The following ACHE variants were observed in gnomAD, a reference collection of about 807,000 sequenced individuals.
ACHE encodes acetylcholinesterase.
In ACHE, 19 loss-of-function variants were observed where a neutral mutation model predicts 53.9. The ratio of observed to expected loss-of-function variants is 0.35; its 90% confidence interval spans 0.25 to 0.52. The LOEUF (loss-of-function observed/expected upper bound fraction) is 0.52. Ranked by LOEUF, ACHE falls within the 20% of genes least tolerant of loss-of-function variation. The pLI is 0.95. For synonymous variants in ACHE, 392 were observed against 378.1 expected, an observed-to-expected ratio of 1.04 and a Z score of -0.43; for missense variants, 605 against 849.4, an observed-to-expected ratio of 0.71 and a Z score of 3.58.
chr7:100,895,981 C>T (rs1233304576), upstream of ACHE: 2 of 150,456 alleles, frequency 1.3e-5, no homozygotes, highest in African/African-American at 4.9e-5. Flanking sequence ...CGCCCCTCCC[C>T]GCTCTCCCGG....
At position 100,890,164 on chromosome 7, in the gene ACHE, A is replaced by G. The variant is rs765451336; in HGVS notation, c.*50T>C. 6 of 1,607,604 alleles carry G rather than the reference A, an allele frequency of 3.7e-6. No individual in the cohort carries two copies. Among genetic ancestry groups the G allele is most frequent in the Non-Finnish European group, 4.3e-6 (5 of 1,175,390 alleles). ...AGCCCAGCCCTGAAATAAATAGTATATACAGCTAGGGGGCCGGGCGGAGCG... is the reference window on the plus strand; with the variant it reads ...AGCCCAGCCCTGAAATAAATAGTATGTACAGCTAGGGGGCCGGGCGGAGCG... On this transcript the variant is annotated 3_prime_UTR_variant, in exon 5 of 5. Transcript: ENST00000241069.
Position 100,892,376 on chromosome 7 carries a change from G to T in ACHE, c.1511C>A (p.Ala504Asp). 1 of 1,516,148 alleles carries T rather than the reference G, an allele frequency of 6.6e-7. No individual in the cohort carries two copies. 93.9% of individuals were successfully genotyped at this position (1,516,148 alleles called of 1,614,324 possible). Residue 504 changes from alanine (A) to aspartate (D), a missense_variant, in exon 3 of 5, where the codon GCC becomes GAC. This residue lies in a region of ACHE where 397 missense variants were observed against 632.5 expected (regional missense o/e 0.63). Transcript: ENST00000241069. The surrounding 1 kb of genome is among the most constrained non-coding windows in gnomAD (Gnocchi z 5.2). ...RNYTAEEKIF[A>D]QRLMRYWANF... ...GGCCCAGTATCGCATCAGTCGCTGG[G>T]CGAAGATTTTCTCCTCTGCCGTGTA...
Position 100,891,262 on chromosome 7 carries a change from G to A in ACHE, c.1630C>T (p.Leu544=). Residue 544 remains leucine, a synonymous_variant, in exon 4 of 5, where the codon CTG becomes TTG. Coordinates refer to ENST00000241069, the MANE Select transcript of ACHE (RefSeq NM_000665.5). ...CGCACCTCCAGCGGCCGCAGGTCCA[G>A]ACTAACGTACTGCTGAGCCCCCGCC... The part of the protein sequence containing the change: ...YTAGAQQYVS[L]DLRPLEVRRG... 6.2e-7 allele frequency: 1 copy of A among 1,611,120 alleles called. No homozygotes were observed.
rs755722441 is a variant in ACHE at position 100,894,078 on chromosome 7, C to T, written c.155G>A (p.Arg52His). ...TVRGGRLRGI[R>H]LKTPGGPVSA... The stretch of plus-strand genomic sequence containing the variant: ...GACAGGGCCCCCGGGGGTCTTCAGG[C>T]GAATGCCCCGCAGCCGGCCCCCACG... Residue 52 changes from arginine to histidine, a missense_variant, in exon 2 of 5, where the codon CGC becomes CAC. Around this residue, in one of 4 missense-constraint regions of ACHE, gnomAD observed 89 missense variants for 78.9 expected, o/e 1.13. Transcript: ENST00000241069. The T allele has an allele frequency of 7.1e-6, 11 of 1,544,406 alleles. No homozygotes were observed. The highest frequency in any genetic ancestry group is 6.9e-5 in the African/African-American group (5 of 72,558).
At chr7:100,890,993 G>A in intron 4 of ACHE, 176 bp downstream of exon 4, 3 of 1,459,240 alleles carry the variant, frequency 2.1e-6, no homozygotes, top group Non-Finnish European at 2.7e-6. Flanking sequence ...AAGAGGAGGA[G>A]AAGCTGGTGG....
chr7:100,894,450 G>C (rs754432524), intron 1 of ACHE, 198 bp from the exon 2 acceptor site: 32 of 449,698 alleles, frequency 7.1e-5, no homozygotes, highest in Non-Finnish European at 1.1e-4. Context: ...GGAGGGGAAA[G>C]AGATCAGGCA....
rs552999482 is a variant in ACHE at position 100,891,469 on chromosome 7, T to G, written c.1554-131A>C. On this transcript the variant is annotated intron_variant, in intron 3 of 4. Coordinates refer to ENST00000241069, the MANE Select transcript of ACHE (RefSeq NM_000665.5). ...CCGTCCCCTCCCTCCCACCACTTTC[T>G]CCAATGTGCGCGGTCATTGGGGTCT... The G allele has an allele frequency of 9.1e-6, 8 of 882,838 alleles. No individual in the cohort carries two copies. In the East Asian group the frequency reaches 2.6e-4, roughly 28 times the overall value. 54.7% of individuals were successfully genotyped at this position (882,838 alleles called of 1,614,324 possible).
Position 100,893,713 on chromosome 7 carries a change from T to C in ACHE, c.520A>G (p.Arg174Gly), listed in dbSNP as rs770703457. ...TAGTTCATGGACACCAGCACAGTCC[T>C]CTCGGCCTGTACCAAGAAGCGGCCA... is the stretch of plus-strand genomic sequence containing the variant. The part of the protein sequence containing the change: ...YDGRFLVQAE[R>G]TVLVSMNYRV... The change falls in exon 2 of 5, where the codon AGG becomes GGG. Residue 174 changes from arginine to glycine, a missense_variant. Around this residue, in one of 4 missense-constraint regions of ACHE, gnomAD observed 397 missense variants for 632.5 expected, o/e 0.63. Transcript: ENST00000241069. The C allele has an allele frequency of 1.2e-6, 2 of 1,613,456 alleles. No individual in the cohort carries two copies. Among genetic ancestry groups the C allele is most frequent in the East Asian group, 4.5e-5 (2 of 44,874 alleles).
intron 3 of ACHE, among the ~76,000 whole-genome samples, chr7:100,891,783 CTTTTTTTTTT>C (rs71902456): frequency 1.9e-5 from 2 of 103,468 alleles, no homozygotes; most frequent in African/African-American, 3.3e-5. Flanking sequence ...CTTGGTCTCC[CTTTTTTTTTT>C]TTTTTTTTTT....
chr7:100,891,011 G>A (rs1274498655), intron 4 of ACHE, 158 bp downstream of exon 4: 2 of 1,456,036 alleles, frequency 1.4e-6, no homozygotes, highest in Non-Finnish European at 1.8e-6. Flanking sequence ...TGGAGGAGGA[G>A]GAGGGGCAGG....
At chr7:100,891,000 G>A in intron 4 of ACHE, 169 bp downstream of exon 4, 1 of 1,459,850 alleles carries the variant, frequency 6.9e-7, no homozygotes, top group Non-Finnish European at 9.1e-7. Context: ...GGAGAAGCTG[G>A]TGGAGGAGGA....
chr7:100,895,212 C>T (rs17883799), intron 1 of ACHE, among the ~76,000 whole-genome samples: 4 of 152,186 alleles, frequency 2.6e-5, no homozygotes, highest in African/African-American at 4.8e-5. Flanking sequence ...GAACTCCCCC[C>T]TCTCCCGCCG....
At position 100,893,453 on chromosome 7, in the gene ACHE, G is replaced by A. The variant is rs757718824; in HGVS notation, c.780C>T (p.Ser260=). Residue 260 remains serine (S), a synonymous_variant, in exon 2 of 5, where the codon AGC becomes AGT. Coordinates refer to ENST00000241069, the MANE Select transcript of ACHE (RefSeq NM_000665.5). The part of the protein sequence containing the change: ...RGLFHRAVLQ[S]GAPNGPWATV... ...TGGCCCAGGGTCCATTGGGGGCACC[G>A]CTCTGCAGCACGGCCCTGTGGAACA... is the stretch of plus-strand genomic sequence containing the variant. 3.7e-6 allele frequency: 6 copies of A among 1,607,806 alleles called. No individual in the cohort carries two copies. The South Asian group carries it at 4.4e-5, about 12-fold the overall frequency.
In ACHE at chr7:100,891,366, A is replaced by G. The variant is rs372235144; in HGVS notation, c.1554-28T>C. 6.0e-6 allele frequency: 9 copies of G among 1,501,546 alleles called. No individual in the cohort carries two copies. The African/African-American group carries it at 1.3e-4, about 21-fold the overall frequency. The allele number at this position is 1,501,546 out of a possible 1,614,324, so 93.0% of individuals were successfully genotyped here. A position where few individuals can be genotyped will look rare whatever the true frequency, so the allele number is the denominator to read the frequency against. On this transcript the variant is annotated intron_variant, in intron 3 of 4. Coordinates refer to ENST00000241069, the MANE Select transcript of ACHE (RefSeq NM_000665.5). Reference sequence around the variant, plus strand: ...GCGGAAGGAAGGGAAGGCTCAGTCCAGACGGGCAGTGGGAGGAGGTGGCCC... The same window carrying G: ...GCGGAAGGAAGGGAAGGCTCAGTCCGGACGGGCAGTGGGAGGAGGTGGCCC...
chr7:100,891,053 G>A (rs1233831338), intron 4 of ACHE, 116 bp downstream of exon 4: 1 of 1,482,622 alleles, frequency 6.7e-7, no homozygotes, highest in Non-Finnish European at 9.0e-7. Context: ...GCCTCCCCAT[G>A]GGTGAAGCCT....
chr7:100,893,016 G>T, intron 2 of ACHE, 149 bp downstream of exon 2: 3 of 1,178,558 alleles, frequency 2.5e-6, no homozygotes, highest in Non-Finnish European at 2.4e-6. Context: ...CTGCCCTGCT[G>T]ACCACCCTGG....
intron 3 of ACHE, 32 bp from the exon 4 acceptor site, chr7:100,891,370 G>C: frequency 2.0e-6 from 3 of 1,497,472 alleles, no homozygotes; most frequent in Non-Finnish European, 2.7e-6. Context: ...CAGTCCAGAC[G>C]GGCAGTGGGA....
intron 4 of ACHE, chr7:100,890,736 A>C: frequency 7.5e-7 from 1 of 1,340,058 alleles, no homozygotes; most frequent in Non-Finnish European, 9.6e-7. Flanking sequence ...TAATTTTATA[A>C]AAGAATACTG....
Position 100,892,271 on chromosome 7 carries a change from T to C in ACHE, c.1553+63A>G. The C allele has an allele frequency of 1.4e-6, 2 of 1,467,186 alleles. No individual in the cohort carries two copies. The highest frequency in any genetic ancestry group is 1.8e-6 in the Non-Finnish European group (2 of 1,105,098). The allele number at this position is 1,467,186 out of a possible 1,614,324, so 90.9% of individuals were successfully genotyped here. On this transcript the variant is annotated intron_variant, in intron 3 of 4. Coordinates refer to ENST00000241069, the MANE Select transcript of ACHE (RefSeq NM_000665.5). The surrounding 1 kb of genome is among the most constrained non-coding windows in gnomAD (Gnocchi z 5.2). ...CCTTTCTGTCTCCGTGTGTCTGCCT[T>C]TGTGTGTCCTCCCGCCCCCGACTCC...
Sources: allele counts gnomAD v4.1 joint callset (sites outside exome capture counted in the v4.1 genomes callset), GRCh38; gene constraint gnomAD v4.1.1; regional missense constraint gnomAD v4.1.1; non-coding constraint Gnocchi (gnomAD v3.1); transcripts MANE v1.5; gene names NCBI Gene and HGNC (gene_info 2026-07-23, HGNC 2026-07-21).